The following ADGB variants were observed in gnomAD, a reference collection of about 807,000 sequenced individuals.
ADGB encodes calpain-7-like protein.
A neutral mutation model predicts 210.5 loss-of-function variants in ADGB; 172 were observed. The observed-to-expected ratio is 0.82, with a 90% CI of 0.72 to 0.93. The LOEUF (loss-of-function observed/expected upper bound fraction) is 0.93, where lower values mean the gene tolerates loss of function less well. Ranked by LOEUF, ADGB falls within the 40% of genes least tolerant of loss-of-function variation. The pLI is 0.00. For missense variants in ADGB, 2,025 were observed against 1,964.8 expected, an observed-to-expected ratio of 1.03 and a Z score of -0.58; for synonymous variants, 658 against 662.7, an observed-to-expected ratio of 0.99 and a Z score of 0.11.
chr6:146,672,155 C>G, intron 7 of ADGB, 65 bp from the exon 8 acceptor site: 2 of 1,436,488 alleles, frequency 1.4e-6, no homozygotes, highest in Non-Finnish European at 1.8e-6. Context: ...TCAGTAATTT[C>G]TTGCGAAGTT....
At chr6:146,796,687 ATC>A (rs1778048244) in intron 33 of ADGB, among the ~76,000 whole-genome samples, 1 of 152,110 alleles carries the variant, frequency 6.6e-6, no homozygotes, top group African/African-American at 2.4e-5. Context: ...CTGTATCCTC[ATC>A]TCTCATCTTA....
chr6:146,718,220 G>C (rs922854407), intron 16 of ADGB, among the ~76,000 whole-genome samples: 5 of 151,914 alleles, frequency 3.3e-5, no homozygotes, highest in Non-Finnish European at 5.9e-5. Context: ...GGTGGCATGC[G>C]CCTGTAATCT....
intron 6 of ADGB, among the ~76,000 whole-genome samples, chr6:146,665,847 C>T (rs1337242140): frequency 6.6e-6 from 1 of 151,864 alleles, no homozygotes; most frequent in Non-Finnish European, 1.5e-5. Context: ...CTACATTTTC[C>T]AAATTAACAC....
intron 27 of ADGB, among the ~76,000 whole-genome samples, chr6:146,760,611 G>A (rs915995074): frequency 4.0e-5 from 6 of 151,732 alleles, no homozygotes; most frequent in Non-Finnish European, 7.4e-5. Flanking sequence ...CATTTCACTT[G>A]GATCAATATT....
intron 13 of ADGB, among the ~76,000 whole-genome samples, chr6:146,709,944 A>G (rs112256309): frequency 0.045 from 6,916 of 152,086 alleles, 187 homozygotes; most frequent in South Asian, 0.063. Flanking sequence ...TTTCAAATTG[A>G]TGTTTTTGCA....
intron 22 of ADGB, 135 bp downstream of exon 22, chr6:146,734,165 G>C (rs777398938): frequency 2.1e-6 from 2 of 933,208 alleles, no homozygotes; most frequent in Non-Finnish European, 3.1e-6. Flanking sequence ...GAAATTATTT[G>C]AAATCAGGAA....
chr6:146,739,112 C>A (rs995807080), intron 23 of ADGB, among the ~76,000 whole-genome samples: 1 of 152,090 alleles, frequency 6.6e-6, no homozygotes, highest in African/African-American at 2.4e-5. Flanking sequence ...CAGTGACAGT[C>A]TGGGAAGACT....
At chr6:146,691,046 A>G in intron 10 of ADGB, 70 bp from the exon 11 acceptor site, 2 of 1,359,642 alleles carry the variant, frequency 1.5e-6, no homozygotes, top group Non-Finnish European at 1.9e-6. Flanking sequence ...TCGTGATAGT[A>G]TTTTTACATT....
At chr6:146,619,670 A>T (rs1780861228) in intron 1 of ADGB, among the ~76,000 whole-genome samples, 2 of 152,046 alleles carry the variant, frequency 1.3e-5, no homozygotes. Flanking sequence ...CTCAACTTCA[A>T]CATCATCCCC....
chr6:146,690,551 A>G (rs1040245342), intron 10 of ADGB, among the ~76,000 whole-genome samples: 3 of 152,140 alleles, frequency 2.0e-5, no homozygotes, highest in East Asian at 1.9e-4. Context: ...GACTGGCTTC[A>G]GGAGATCTAA....
chr6:146,667,102 C>T (rs1034526410), intron 7 of ADGB, among the ~76,000 whole-genome samples, 200 bp downstream of exon 7: 2 of 151,786 alleles, frequency 1.3e-5, no homozygotes, highest in Non-Finnish European at 2.9e-5. Flanking sequence ...AGAACAATGA[C>T]CCCCATAGGT....
chr6:146,701,926 C>A (rs546001367), intron 13 of ADGB, among the ~76,000 whole-genome samples: 6 of 151,882 alleles, frequency 4.0e-5, no homozygotes, highest in East Asian at 3.9e-4. Context: ...CTTACATATT[C>A]TTGTAAGATA....
intron 32 of ADGB, among the ~76,000 whole-genome samples, chr6:146,786,300 T>C (rs991149417): frequency 1.3e-5 from 2 of 151,358 alleles, no homozygotes; most frequent in African/African-American, 4.8e-5. Context: ...AGAGACAGAA[T>C]TGGCCTGCAG....
At chr6:146,671,465 T>G (rs529198346) in intron 7 of ADGB, among the ~76,000 whole-genome samples, 1 of 152,210 alleles carries the variant, frequency 6.6e-6, no homozygotes, top group East Asian at 1.9e-4. Context: ...CTTTGAGTAC[T>G]AAGTAGAAGG....
intron 35 of ADGB, among the ~76,000 whole-genome samples, chr6:146,812,823 C>A (rs1286404493): frequency 6.6e-6 from 1 of 152,148 alleles, no homozygotes; most frequent in Non-Finnish European, 1.5e-5. Flanking sequence ...AAGAACTTAA[C>A]TGGGAACAAC....
chr6:146,664,977 A>T (rs1341886696), intron 6 of ADGB, among the ~76,000 whole-genome samples: 1 of 152,088 alleles, frequency 6.6e-6, no homozygotes. Context: ...GAGTCATACC[A>T]TCCTGGCCCT....
chr6:146,612,328 CT>C (rs1780724370), intron 1 of ADGB, among the ~76,000 whole-genome samples: 1 of 152,178 alleles, frequency 6.6e-6, no homozygotes, highest in Non-Finnish European at 1.5e-5. Context: ...ACAAATATAT[CT>C]GGATGTGCTC....
chr6:146,672,395 G>T lies in ADGB; in HGVS notation c.1015G>T (p.Val339Leu), dbSNP rs377313716. The change falls in exon 8 of 36, where the codon GTG becomes TTG. Residue 339 changes from valine (V) to leucine (L), a missense_variant. Physicochemically the swap from Val to Leu is conservative, Grantham distance 32. Transcript: ENST00000397944. Reference sequence around the variant, plus strand: ...AAAGGATGGAAAGGAAGTAAAAGACGTGAAGGAATTCAAACCTGAAAGTTC... The same window carrying T: ...AAAGGATGGAAAGGAAGTAAAAGACTTGAAGGAATTCAAACCTGAAAGTTC... ...EIKDGKEVKD[V>L]KEFKPESSLT... The T allele has an allele frequency of 6.4e-7, 1 of 1,551,360 alleles. No individual in the cohort carries two copies. Among genetic ancestry groups the T allele is most frequent in the East Asian group, 2.4e-5 (1 of 40,892 alleles).
At chr6:146,726,022 A>T in intron 18 of ADGB, 61 bp from the exon 19 acceptor site, 1 of 1,070,368 alleles carries the variant, frequency 9.3e-7, no homozygotes, top group Non-Finnish European at 1.4e-6. Flanking sequence ...TAAGCAACTC[A>T]CAGGTCAAAT....
Sources: allele counts gnomAD v4.1 joint callset (sites outside exome capture counted in the v4.1 genomes callset), GRCh38; gene constraint gnomAD v4.1.1; transcripts MANE v1.5; gene names NCBI Gene and HGNC (gene_info 2026-07-23, HGNC 2026-07-21).